Variants in FBN1 observed in about 807,000 individuals in gnomAD.
FBN1 encodes the protein fibrillin-1.
In FBN1, 29 loss-of-function variants were observed where a neutral mutation model predicts 365.1. The ratio of observed to expected loss-of-function variants is 0.08; its 90% CI spans 0.06 to 0.11. The LOEUF (loss-of-function observed/expected upper bound fraction) is 0.11, where lower values mean the gene tolerates loss of function less well. Ranked by LOEUF, FBN1 falls within the 10% of genes least tolerant of loss-of-function variation. The pLI is 1.00. For synonymous variants in FBN1, 1,210 were observed against 1,270.5 expected (o/e 0.95, Z 1.01); for missense variants, 2,476 against 3,703.2 (o/e 0.67, Z 8.60).
rs2042854554 is a variant in FBN1 at position 48,410,818 on chromosome 15, C to T, written c.*172G>A. ...AGCCTGAGAAAGTGGTTGTTTTGAA[C>T]TAGGGTAGTCACCTGTACCTTGCTT... On this transcript the variant is annotated 3_prime_UTR_variant, in exon 66 of 66. Transcript: ENST00000316623. 7.7e-6 allele frequency: 5 copies of T among 646,220 alleles called. No individual in the cohort carries two copies. The South Asian group carries it at 1.0e-4, about 13-fold the overall frequency. 40.0% of individuals were successfully genotyped at this position (646,220 alleles called of 1,614,324 possible). A position where few individuals can be genotyped will look rare whatever the true frequency, so the allele number is the denominator to read the frequency against.
intron 19 of FBN1, among the ~76,000 whole-genome samples, chr15:48,496,582 A>T (rs1245897887): frequency 6.6e-6 from 1 of 152,168 alleles, no homozygotes; most frequent in Non-Finnish European, 1.5e-5. Flanking sequence ...GTCGAATTAA[A>T]AGGATTAACC....
chr15:48,518,911 T>C (rs2043828238), intron 10 of FBN1, among the ~76,000 whole-genome samples: 4 of 152,236 alleles, frequency 2.6e-5, no homozygotes, highest in Admixed American at 1.3e-4. Flanking sequence ...CTCTGAGGGC[T>C]GTGCATCTCT....
At chr15:48,585,228 G>C (rs912035235) in intron 6 of FBN1, among the ~76,000 whole-genome samples, 3 of 152,158 alleles carry the variant, frequency 2.0e-5, no homozygotes, top group African/African-American at 7.2e-5. Flanking sequence ...AACAAGATAA[G>C]GGCTCTCTAA....
chr15:48,502,270 T>C (rs1348666836), intron 17 of FBN1, among the ~76,000 whole-genome samples: 1 of 152,194 alleles, frequency 6.6e-6, no homozygotes, highest in African/African-American at 2.4e-5. Context: ...GGTCTTGAAC[T>C]CCTAACCTCA....
chr15:48,592,574 A>G (rs766665361), intron 6 of FBN1, among the ~76,000 whole-genome samples: 3 of 152,218 alleles, frequency 2.0e-5, no homozygotes, highest in Non-Finnish European at 2.9e-5. Flanking sequence ...AAGTTCTACT[A>G]GTTGCTCAAG....
chr15:48,508,592 A>C lies in FBN1; in HGVS notation c.1827T>G (p.Arg609=), dbSNP rs1350252549. 6.2e-7 allele frequency: 1 copy of C among 1,613,846 alleles called. No homozygotes were observed. The highest frequency in any genetic ancestry group is 8.5e-7 in the Non-Finnish European group (1 of 1,179,752). Residue 609 remains arginine (R), a synonymous_variant, in exon 15 of 66, where the codon CGT becomes CGG. Coordinates refer to ENST00000316623, the MANE Select transcript of FBN1 (RefSeq NM_000138.5). The part of the protein sequence containing the change: ...KPGFQLASDG[R]YCKDINECET... ...TTTTATAGCACGAACCTTTGCAATA[A>C]CGTCCATCTGATGCCAGCTGGAATC... is the stretch of plus-strand genomic sequence containing the variant.
intron 63 of FBN1, 39 bp downstream of exon 63, chr15:48,420,648 G>A (rs1225560667): frequency 6.2e-7 from 1 of 1,613,128 alleles, no homozygotes; most frequent in Non-Finnish European, 8.5e-7. Context: ...CATAGGACCT[G>A]ATAGCCATGC....
intron 14 of FBN1, 144 bp downstream of exon 14, chr15:48,509,900 G>C: frequency 2.4e-6 from 2 of 848,266 alleles, no homozygotes; most frequent in Non-Finnish European, 3.7e-6. Flanking sequence ...TGAATATCAT[G>C]GAAAATTAGG....
At chr15:48,582,125 G>A (rs189141936) in intron 6 of FBN1, among the ~76,000 whole-genome samples, 46 of 152,216 alleles carry the variant, frequency 3.0e-4, no homozygotes, top group African/African-American at 1.1e-3. Context: ...AAAAACTATC[G>A]GCTAAAAAGT....
Position 48,483,859 on chromosome 15 carries a change from T to C in FBN1, c.3797A>G (p.Tyr1266Cys). 6.2e-7 allele frequency: 1 copy of C among 1,613,824 alleles called. No homozygotes were observed. The highest frequency in any genetic ancestry group is 8.5e-7 in the Non-Finnish European group (1 of 1,179,998). The stretch of plus-strand genomic sequence containing the variant: ...GTCTTCAGATGCCATGAATCCATCA[T>C]AACACAAGCACCTGTACTCTCCAGG... ...NIPGEYRCLCYDGFMASEDMK... is the reference protein window; with the variant it reads ...NIPGEYRCLCCDGFMASEDMK... Residue 1266 changes from tyrosine to cysteine, a missense_variant, in exon 31 of 66, where the codon TAT becomes TGT. Tyr to Cys is a radical substitution (Grantham distance 194, BLOSUM62 -2). This residue lies in a region of FBN1 where 1,780 missense variants were observed against 2,840.8 expected (regional missense o/e 0.63). Coordinates refer to ENST00000316623, the MANE Select transcript of FBN1 (RefSeq NM_000138.5).
chr15:48,639,805 T>A (rs959767889), intron 2 of FBN1, among the ~76,000 whole-genome samples: 4 of 152,138 alleles, frequency 2.6e-5, no homozygotes, highest in Non-Finnish European at 5.9e-5. Flanking sequence ...GCAGGCCCAT[T>A]TGCTGGGTTC....
In FBN1 at chr15:48,483,596, C is replaced by T. The variant is rs17458846; in HGVS notation, c.3838+222G>A. The stretch of plus-strand genomic sequence containing the variant: ...AAAAGAAATGTCCATCTGGAGCTGA[C>T]GAATGGCCAGTCAGTCCTCATAACA... On this transcript the variant is annotated intron_variant, in intron 31 of 65. Transcript: ENST00000316623. Among the ~76,000 whole-genome samples, 16,820 of 152,198 alleles carry T rather than the reference C, an allele frequency of 0.11. 1,086 individuals carry two copies. The highest frequency in any genetic ancestry group is 0.14 in the Non-Finnish European group (9,274 of 67,988).
intron 34 of FBN1, among the ~76,000 whole-genome samples, chr15:48,473,865 AAAC>A (rs2043397454): frequency 6.6e-6 from 1 of 152,212 alleles, no homozygotes; most frequent in African/African-American, 2.4e-5. Flanking sequence ...TGATTTGTTT[AAAC>A]TAATGACATC....
intron 2 of FBN1, among the ~76,000 whole-genome samples, chr15:48,620,260 A>G (rs534687241): frequency 5.9e-5 from 9 of 152,336 alleles, no homozygotes; most frequent in African/African-American, 2.2e-4. Flanking sequence ...ATGACGATGT[A>G]TGTAATGTTA....
At chr15:48,585,157 T>A (rs1204333825) in intron 6 of FBN1, among the ~76,000 whole-genome samples, 1 of 152,228 alleles carries the variant, frequency 6.6e-6, no homozygotes, top group East Asian at 1.9e-4. Flanking sequence ...GGCTTCTCTT[T>A]CAGCGTGGTT....
intron 46 of FBN1, 51 bp from the exon 47 acceptor site, chr15:48,446,873 G>C: frequency 8.1e-7 from 1 of 1,240,754 alleles, no homozygotes; most frequent in Non-Finnish European, 1.2e-6. Flanking sequence ...AGAAAAAGTG[G>C]TTACACGGTT....
intron 6 of FBN1, among the ~76,000 whole-genome samples, chr15:48,578,901 A>G (rs2044369923): frequency 6.8e-6 from 1 of 146,604 alleles, no homozygotes; most frequent in Non-Finnish European, 1.5e-5. Context: ...GATATACCTA[A>G]TGCTAGATGA....
intron 40 of FBN1, 109 bp downstream of exon 40, chr15:48,465,459 G>C (rs1263810113): frequency 4.5e-6 from 6 of 1,322,728 alleles, no homozygotes; most frequent in Middle Eastern, 1.9e-4. Flanking sequence ...TTCGTGTTTA[G>C]AACATTGTGC....
intron 60 of FBN1, 128 bp downstream of exon 60, chr15:48,425,241 T>C: frequency 1.6e-6 from 2 of 1,285,406 alleles, no homozygotes; most frequent in South Asian, 1.2e-5. Flanking sequence ...CATGGAGGCA[T>C]TAACCCCAGG....
Sources: gnomAD v4.1 joint callset for allele counts (sites outside exome capture counted in the v4.1 genomes callset) on GRCh38, gnomAD v4.1.1 for gene constraint, gnomAD v4.1.1 regional missense constraint, MANE v1.5 for transcripts, NCBI Gene and HGNC (gene_info 2026-07-23, HGNC 2026-07-21) for gene names.